The following MAP3K20 variants were observed in gnomAD, a reference collection of about 807,000 sequenced individuals.
The protein encoded by MAP3K20 is HCCS-4.
MAP3K20 carries 40 observed loss-of-function variants against 85.7 expected under a neutral mutation model. The ratio of observed to expected loss-of-function variants is 0.47; its 90% CI spans 0.36 to 0.61. The LOEUF is 0.61. Ranked by LOEUF, MAP3K20 falls within the 20% of genes least tolerant of loss-of-function variation. MAP3K20 has a pLI of 0.00. For synonymous variants in MAP3K20, 325 were observed against 327.7 expected (o/e 0.99, Z 0.09); for missense variants, 817 against 961.7 (o/e 0.85, Z 1.99).
intron 9 of MAP3K20, among the ~76,000 whole-genome samples, chr2:173,205,537 G>A (rs2106296090): frequency 6.6e-6 from 1 of 152,290 alleles, no homozygotes; most frequent in South Asian, 2.1e-4. Flanking sequence ...CAACAAGGCA[G>A]CAAGGGACCA....
At chr2:173,114,999 T>A (rs1440177562) in intron 2 of MAP3K20, among the ~76,000 whole-genome samples, 2 of 152,202 alleles carry the variant, frequency 1.3e-5, no homozygotes, top group Non-Finnish European at 2.9e-5. Flanking sequence ...CCCAAATATG[T>A]TTTCCAAGCT....
chr2:173,085,284 C>T (rs899787249), intron 1 of MAP3K20, among the ~76,000 whole-genome samples: 1 of 152,002 alleles, frequency 6.6e-6, no homozygotes, highest in Non-Finnish European at 1.5e-5. Context: ...TATTTGAGGT[C>T]AACATGGATC....
chr2:173,224,759 T>C (rs1454185955), intron 11 of MAP3K20: 2 of 985,304 alleles, frequency 2.0e-6, no homozygotes, highest in Admixed American at 6.1e-5. Context: ...ATCTAAATCA[T>C]ATAATCAGAA....
intron 18 of MAP3K20, 116 bp from the exon 19 acceptor site, chr2:173,263,629 C>A: frequency 2.0e-6 from 2 of 1,018,694 alleles, no homozygotes; most frequent in Non-Finnish European, 1.4e-6. Flanking sequence ...AGAGGTGAAA[C>A]TGAAGTGATA....
intron 11 of MAP3K20, among the ~76,000 whole-genome samples, chr2:173,229,017 G>A (rs1304157616): frequency 2.0e-5 from 3 of 152,160 alleles, no homozygotes; most frequent in Non-Finnish European, 4.4e-5. Flanking sequence ...ATGGCCATGG[G>A]GCATATATTG....
At chr2:173,211,414 T>C (rs1053014542) in intron 10 of MAP3K20, 2 of 152,300 alleles carry the variant, frequency 1.3e-5, no homozygotes, top group Non-Finnish European at 2.9e-5. Flanking sequence ...TCAGGATCTT[T>C]ACAAGCAGTT....
chr2:173,079,450 A>C (rs1392040391), intron 1 of MAP3K20, among the ~76,000 whole-genome samples: 5 of 152,172 alleles, frequency 3.3e-5, no homozygotes, highest in Non-Finnish European at 7.3e-5. Context: ...CTTAGGCTCT[A>C]CTAGATTTAT....
chr2:173,219,910 T>C (rs1445055345), intron 11 of MAP3K20, among the ~76,000 whole-genome samples: 2 of 151,194 alleles, frequency 1.3e-5, no homozygotes, highest in Admixed American at 6.6e-5. Flanking sequence ...CTACTAAAAA[T>C]ACAAAAAATT....
Position 173,266,043 on chromosome 2 carries a change from C to A in MAP3K20, c.1703-7C>A. ...TTAAAAGATGCTCATTTCCATTTCT[C>A]CCGCAGGTGCTGATTGCCAGTGGTT... On this transcript the variant is annotated splice_polypyrimidine_tract_variant and splice_region_variant and intron_variant, in intron 19 of 19. Transcript: ENST00000375213. 6.4e-7 allele frequency: 1 copy of A among 1,553,202 alleles called. No homozygotes were observed. The highest frequency in any genetic ancestry group is 2.4e-5 in the East Asian group (1 of 41,614).
At chr2:173,107,281 G>A (rs555986585) in intron 2 of MAP3K20, among the ~76,000 whole-genome samples, 10 of 152,308 alleles carry the variant, frequency 6.6e-5, no homozygotes, top group African/African-American at 2.4e-4. Context: ...TATTGCGAGG[G>A]CTGCCGGGGA....
chr2:173,112,884 T>C (rs1688014950), intron 2 of MAP3K20, among the ~76,000 whole-genome samples: 1 of 152,154 alleles, frequency 6.6e-6, no homozygotes, highest in South Asian at 2.1e-4. Flanking sequence ...TTTTCTTTTT[T>C]GGTTATATTC....
Position 173,223,954 on chromosome 2 carries a change from CAA to C in MAP3K20, c.988-5734_988-5733del, listed in dbSNP as rs1684320196. ...GAGAGAGCCAATAGCATGGGGTTTA[CAA>C]GGCAAAGATAGTCATTCATTCAACA... On this transcript the variant is annotated intron_variant, in intron 11 of 19. Coordinates refer to ENST00000375213, the MANE Select transcript of MAP3K20 (RefSeq NM_016653.3). 5 of 985,326 alleles carry C rather than the reference CAA, an allele frequency of 5.1e-6. No individual in the cohort carries two copies. In the African/African-American group the frequency reaches 8.7e-5, roughly 17 times the overall value. The allele number at this position is 985,326 out of a possible 1,614,324, so 61.0% of individuals were successfully genotyped here.
At chr2:173,208,898 A>G (rs1374799829) in intron 9 of MAP3K20, among the ~76,000 whole-genome samples, 2 of 152,176 alleles carry the variant, frequency 1.3e-5, no homozygotes, top group African/African-American at 4.8e-5. Flanking sequence ...TTTTGTCTCA[A>G]CCTTGGCTAG....
chr2:173,170,828 C>T (rs79711603), intron 3 of MAP3K20, among the ~76,000 whole-genome samples: 1 of 152,076 alleles, frequency 6.6e-6, no homozygotes, highest in African/African-American at 2.4e-5. Flanking sequence ...CCATGGTCAC[C>T]TAGCTAGTGG....
chr2:173,127,369 CTT>C (rs930106058), intron 2 of MAP3K20, among the ~76,000 whole-genome samples: 1 of 152,124 alleles, frequency 6.6e-6, no homozygotes, highest in Admixed American at 6.5e-5. Context: ...AGAAAAATAA[CTT>C]TATAAATAAT....
rs1683571338 is a variant in MAP3K20, at chr2:173,203,739, G to A, written c.670-57G>A. On this transcript the variant is annotated intron_variant, in intron 8 of 19. Coordinates refer to ENST00000375213, the MANE Select transcript of MAP3K20 (RefSeq NM_016653.3). ...TGACCCTTCAGATACGGTGTTTGCT[G>A]ACATTAATGAATAAATCCCTGTTTT... is the stretch of plus-strand genomic sequence containing the variant. 13 of 1,341,632 alleles carry A rather than the reference G, an allele frequency of 9.7e-6. No homozygotes were observed. The East Asian group carries it at 2.8e-4, about 28-fold the overall frequency. 83.1% of individuals were successfully genotyped at this position (1,341,632 alleles called of 1,614,324 possible). A position where few individuals can be genotyped will look rare whatever the true frequency, so the allele number is the denominator to read the frequency against.
rs543438579 is a variant in MAP3K20, at chr2:173,236,349, G to C, written c.1204-2024G>C. Among the ~76,000 whole-genome samples the C allele has an allele frequency of 5.3e-5, 8 of 149,696 alleles. No homozygotes were observed. The East Asian group carries it at 1.6e-3, about 30-fold the overall frequency. ...AGAGAAGCCAAGGAATATGCAGAGA[G>C]AAAAAGCCCTGTTGGAAGCAGCCAC... On this transcript the variant is annotated intron_variant, in intron 14 of 19. Transcript: ENST00000375213.
At chr2:173,156,844 T>G (rs1174941011) in intron 2 of MAP3K20, among the ~76,000 whole-genome samples, 1 of 152,234 alleles carries the variant, frequency 6.6e-6, no homozygotes, top group Non-Finnish European at 1.5e-5. Context: ...AGTATTTGTA[T>G]GTACAGATGG....
At chr2:173,237,665 A>G (rs1684685819) in intron 14 of MAP3K20, among the ~76,000 whole-genome samples, 1 of 152,156 alleles carries the variant, frequency 6.6e-6, no homozygotes, top group East Asian at 1.9e-4. Flanking sequence ...TGTTGGACAC[A>G]TATCCAAAGA....
Sources: allele counts gnomAD v4.1 joint callset (sites outside exome capture counted in the v4.1 genomes callset), GRCh38; gene constraint gnomAD v4.1.1; transcripts MANE v1.5; gene names NCBI Gene and HGNC (gene_info 2026-07-23, HGNC 2026-07-21).